The following EIF4G3 variants were observed in gnomAD, a reference collection of about 807,000 sequenced individuals.
The protein encoded by EIF4G3 is eIF-4-gamma 3.
Under a neutral mutation model 186.4 loss-of-function variants are expected in EIF4G3, and 34 were observed. The observed-to-expected ratio is 0.18, with a 90% CI of 0.14 to 0.24. The LOEUF (loss-of-function observed/expected upper bound fraction) is 0.24. Among genes scored for constraint, EIF4G3 ranks in the 10% least tolerant of loss-of-function variants. The probability of loss-of-function intolerance (pLI) is 1.00; values close to 1 mark genes in which losing one functional copy is unlikely to be tolerated. For synonymous variants in EIF4G3, 673 were observed against 679.5 expected (o/e 0.99, Z 0.15); for missense variants, 1,536 against 1,948.5 (o/e 0.79, Z 3.99).
chr1:21,000,764 A>AGATGG (rs2083333711), intron 6 of EIF4G3, among the ~76,000 whole-genome samples: 2 of 152,156 alleles, frequency 1.3e-5, no homozygotes, highest in South Asian at 4.1e-4. Flanking sequence ...GGTAATGGTC[A>AGATGG]CTAGCAGAGC....
chr1:21,016,139 A>G (rs1325486008), intron 4 of EIF4G3, among the ~76,000 whole-genome samples: 4 of 152,226 alleles, frequency 2.6e-5, no homozygotes, highest in Non-Finnish European at 5.9e-5. Context: ...TGTGACATCA[A>G]TAACAAAGTT....
chr1:21,123,666 G>C (rs1410870145), intron 2 of EIF4G3, among the ~76,000 whole-genome samples: 1 of 152,056 alleles, frequency 6.6e-6, no homozygotes, highest in Non-Finnish European at 1.5e-5. Context: ...AATAAAAAGG[G>C]AAGTGAGTGG....
chr1:21,124,037 TC>T (rs1242056914), intron 2 of EIF4G3, among the ~76,000 whole-genome samples: 3 of 152,138 alleles, frequency 2.0e-5, no homozygotes, highest in Admixed American at 1.3e-4. Flanking sequence ...ACGCCTGTAA[TC>T]CCAGCACTTT....
At chr1:21,043,335 G>C (rs547160720) in intron 4 of EIF4G3, among the ~76,000 whole-genome samples, 63 of 152,184 alleles carry the variant, frequency 4.1e-4, no homozygotes, top group Middle Eastern at 3.2e-3. Context: ...TGCTGTAATA[G>C]TGCTGAATTA....
chr1:21,007,682 A>C (rs1315296514), intron 4 of EIF4G3, among the ~76,000 whole-genome samples: 29 of 151,842 alleles, frequency 1.9e-4, no homozygotes, highest in Admixed American at 1.9e-3. Flanking sequence ...GTCCATAATA[A>C]TATTAAGTGA....
intron 29 of EIF4G3, 36 bp downstream of exon 29, chr1:20,849,379 T>C: frequency 2.5e-6 from 3 of 1,197,606 alleles, no homozygotes; most frequent in Non-Finnish European, 3.5e-6. Context: ...ATCAAAGGAC[T>C]TACTGTGTGT....
At chr1:20,844,756 C>T (rs534064782) in intron 29 of EIF4G3, among the ~76,000 whole-genome samples, 2 of 151,986 alleles carry the variant, frequency 1.3e-5, no homozygotes, top group South Asian at 2.1e-4. Flanking sequence ...CACTTGAACC[C>T]GGGAGGCAGA....
chr1:20,864,359 AG>A (rs2154552273), intron 22 of EIF4G3, 116 bp downstream of exon 22: 1 of 780,920 alleles, frequency 1.3e-6, no homozygotes, highest in East Asian at 2.4e-5. Context: ...GGGCAAAAGA[AG>A]AAAAATAAAC....
intron 33 of EIF4G3, among the ~76,000 whole-genome samples, chr1:20,819,528 G>T (rs1473482430): frequency 6.6e-6 from 1 of 151,826 alleles, no homozygotes; most frequent in East Asian, 1.9e-4. Context: ...CACTATCATG[G>T]CTCACTGCAG....
chr1:20,876,303 G>A (rs546098012), intron 20 of EIF4G3, among the ~76,000 whole-genome samples: 3 of 148,808 alleles, frequency 2.0e-5, no homozygotes, highest in African/African-American at 7.4e-5. Context: ...GAACATATGA[G>A]AGAGAGAGAT....
At chr1:20,842,699 T>G (rs1055977430) in intron 29 of EIF4G3, among the ~76,000 whole-genome samples, 2 of 152,108 alleles carry the variant, frequency 1.3e-5, no homozygotes, top group African/African-American at 4.8e-5. Flanking sequence ...TTTAACCAAC[T>G]AATTCCCTTT....
Position 20,878,776 on chromosome 1 carries a change from T to C in EIF4G3, c.2622+547A>G, listed in dbSNP as rs188319231. ...TGAACACTAACCAGAAGCTCTTTGG[T>C]CTCCCTCTCTGTCTTGCCCTAGGTT... On this transcript the variant is annotated intron_variant, in intron 20 of 36. Transcript: ENST00000602326. 5.0e-4 allele frequency among the ~76,000 whole-genome samples: 76 copies of C among 152,296 alleles called. No homozygotes were observed. The East Asian group carries it at 0.014, about 28-fold the overall frequency.
In EIF4G3 at chr1:20,895,312, T is replaced by G. The variant is rs187550773; in HGVS notation, c.2133+56A>C. On this transcript the variant is annotated intron_variant, in intron 17 of 36. Transcript: ENST00000602326. ...CTCATACTTCACATATTTGCTCTTA[T>G]AGTTAAAATCAGTTCCCACCAAAAA... 11 of 1,562,004 alleles carry G rather than the reference T, an allele frequency of 7.0e-6. No individual in the cohort carries two copies. The African/African-American group carries it at 8.2e-5, about 12-fold the overall frequency.
chr1:20,896,531 AG>A (rs2154556156), intron 16 of EIF4G3, among the ~76,000 whole-genome samples: 1 of 152,232 alleles, frequency 6.6e-6, no homozygotes, highest in Non-Finnish European at 1.5e-5. Flanking sequence ...TTATTATAAA[AG>A]TCAAAAAGTT....
At chr1:20,850,982 A>T (rs972669168) in intron 28 of EIF4G3, among the ~76,000 whole-genome samples, 2 of 152,192 alleles carry the variant, frequency 1.3e-5, no homozygotes, top group Non-Finnish European at 2.9e-5. Context: ...TGTTACAGGG[A>T]CTTGTAAGAA....
intron 14 of EIF4G3, among the ~76,000 whole-genome samples, chr1:20,905,306 A>T (rs575145155): frequency 6.6e-6 from 1 of 152,322 alleles, no homozygotes; most frequent in South Asian, 2.1e-4. Flanking sequence ...ACTTCTATTC[A>T]TCAACTATGT....
At chr1:20,814,054 C>A (rs1029854033) in intron 34 of EIF4G3, among the ~76,000 whole-genome samples, 2 of 142,776 alleles carry the variant, frequency 1.4e-5, no homozygotes, top group Non-Finnish European at 3.0e-5. Flanking sequence ...TCAAGCGATT[C>A]TCCTGCCTCA....
chr1:21,170,074 C>T (rs2097925116), intron 2 of EIF4G3, among the ~76,000 whole-genome samples: 1 of 152,048 alleles, frequency 6.6e-6, no homozygotes, highest in South Asian at 2.1e-4. Context: ...ACTCTAGAGG[C>T]TGAGGCAGGA....
chr1:20,816,837 G>C (rs1180203978), intron 34 of EIF4G3, among the ~76,000 whole-genome samples: 1 of 97,852 alleles, frequency 1.0e-5, no homozygotes, highest in Non-Finnish European at 2.2e-5. Flanking sequence ...GAAATCGGAT[G>C]GTTGCCGGGT....
Sources: gnomAD v4.1 joint callset for allele counts (sites outside exome capture counted in the v4.1 genomes callset) on GRCh38, gnomAD v4.1.1 for gene constraint, MANE v1.5 for transcripts, NCBI Gene and HGNC (gene_info 2026-07-23, HGNC 2026-07-21) for gene names.